FHIP1A: variants seen among roughly 807,000 people sequenced by gnomAD.
FHIP1A encodes FHF complex subunit HOOK-interacting protein 1A.
FHIP1A carries 61 observed loss-of-function variants against 88.6 expected under a neutral mutation model. That is an observed-to-expected ratio of 0.69 (90% confidence interval 0.56 to 0.85). The LOEUF (loss-of-function observed/expected upper bound fraction) is 0.85, where lower values mean the gene tolerates loss of function less well. Among genes scored for constraint, FHIP1A ranks in the 40% least tolerant of loss-of-function variants. FHIP1A has a pLI of 0.00. For missense variants in FHIP1A, 1,154 were observed against 1,273.5 expected, an observed-to-expected ratio of 0.91 and a Z score of 1.43; for synonymous variants, 478 against 496.0, an observed-to-expected ratio of 0.96 and a Z score of 0.48.
chr4:151,529,823 G>C (rs1731806663), intron 3 of FHIP1A, among the ~76,000 whole-genome samples: 1 of 152,192 alleles, frequency 6.6e-6, no homozygotes, highest in African/African-American at 2.4e-5. Flanking sequence ...GACTTAGTAA[G>C]TAGCAAAACT....
intron 1 of FHIP1A, among the ~76,000 whole-genome samples, chr4:151,425,366 A>C (rs1733323755): frequency 6.6e-6 from 1 of 152,174 alleles, no homozygotes; most frequent in Non-Finnish European, 1.5e-5. Context: ...ACTATTATTA[A>C]CAGACTTAAG....
rs190624983 is a variant in FHIP1A at position 151,669,207 on chromosome 4, A to G, written c.*6453A>G. On this transcript the variant is annotated 3_prime_UTR_variant, in exon 14 of 14. Coordinates refer to ENST00000435205, the MANE Select transcript of FHIP1A (RefSeq NM_001109977.3). ...TGGGTTTTTCCTAGCAGCAGTGATGATATCAACTTACAAGGTTTGGCTTTC... is the reference window on the plus strand; with the variant it reads ...TGGGTTTTTCCTAGCAGCAGTGATGGTATCAACTTACAAGGTTTGGCTTTC... Among the ~76,000 whole-genome samples the G allele has an allele frequency of 6.7e-3, 1,026 of 152,302 alleles. 5 individuals carry two copies. Among genetic ancestry groups the G allele is most frequent in the Non-Finnish European group, 0.011 (721 of 68,028 alleles).
chr4:151,466,377 A>C (rs1729315231), intron 2 of FHIP1A, among the ~76,000 whole-genome samples: 1 of 152,220 alleles, frequency 6.6e-6, no homozygotes, highest in African/African-American at 2.4e-5. Context: ...GGATAGGAAG[A>C]ATCAATATCA....
At chr4:151,580,375 A>G (rs890814378) in intron 5 of FHIP1A, among the ~76,000 whole-genome samples, 1 of 152,218 alleles carries the variant, frequency 6.6e-6, no homozygotes, top group African/African-American at 2.4e-5. Flanking sequence ...AAGCGATGCT[A>G]TGTACTTATT....
At chr4:151,542,058 G>A (rs1330150996) in intron 3 of FHIP1A, among the ~76,000 whole-genome samples, 1 of 152,082 alleles carries the variant, frequency 6.6e-6, no homozygotes, top group Non-Finnish European at 1.5e-5. Flanking sequence ...CTGTTAAGAG[G>A]AACCTCTCTC....
At chr4:151,418,452 T>G (rs1020892087) in intron 1 of FHIP1A, among the ~76,000 whole-genome samples, 4 of 152,166 alleles carry the variant, frequency 2.6e-5, no homozygotes, top group East Asian at 1.9e-4. Context: ...GTGTTTTTTT[T>G]GTCCTTAAAG....
intron 3 of FHIP1A, among the ~76,000 whole-genome samples, chr4:151,514,067 A>G (rs1731135275): frequency 1.3e-5 from 2 of 152,132 alleles, no homozygotes; most frequent in Non-Finnish European, 2.9e-5. Context: ...AGCTCTCCTC[A>G]GCAAATGTAA....
rs1313639304 is a variant in FHIP1A, at chr4:151,483,019, AC to A, written c.-123+373del. Reference sequence around the variant, plus strand: ...CAAGAAGGAGCAATAACATAAGGAAACCAATTTTTCTTTTTGTAATTTGAAG... The same window carrying A: ...CAAGAAGGAGCAATAACATAAGGAAACAATTTTTCTTTTTGTAATTTGAAG... On this transcript the variant is annotated intron_variant, in intron 3 of 13. Transcript: ENST00000435205. Among the ~76,000 whole-genome samples the A allele has an allele frequency of 2.0e-5, 3 of 152,046 alleles. No individual in the cohort carries two copies. In the East Asian group the frequency reaches 5.8e-4, roughly 29 times the overall value.
rs377034800 is a variant in FHIP1A, at chr4:151,662,628, G to A, written c.2997G>A (p.Pro999=). The A allele has an allele frequency of 3.3e-4, 506 of 1,551,626 alleles. 2 individuals carry two copies. In the African/African-American group the frequency reaches 6.1e-3, roughly 19 times the overall value. ...AGGCACCCCCCAACCTGCCCCTGCC[G>A]GTGAGGAACCCCATGCTGGCTGCTG... The part of the protein sequence containing the change: ...VAEAPPNLPL[P]VRNPMLAAAL... Residue 999 remains proline, a synonymous_variant, in exon 14 of 14, where the codon CCG becomes CCA. Transcript: ENST00000435205.
intron 8 of FHIP1A, among the ~76,000 whole-genome samples, chr4:151,631,466 T>G (rs760500180): frequency 6.6e-6 from 1 of 152,086 alleles, no homozygotes; most frequent in Non-Finnish European, 1.5e-5. Context: ...TTAAAAGAAC[T>G]ACTCACAAAG....
chr4:151,514,043 A>T (rs1731134454), intron 3 of FHIP1A, among the ~76,000 whole-genome samples: 1 of 151,916 alleles, frequency 6.6e-6, no homozygotes, highest in Non-Finnish European at 1.5e-5. Flanking sequence ...AATTGACCAC[A>T]TAGTTGGAAG....
rs577367251 is a variant in FHIP1A at position 151,516,323 on chromosome 4, C to T, written c.-123+33675C>T. Among the ~76,000 whole-genome samples, 853 of 151,526 alleles carry T rather than the reference C, an allele frequency of 5.6e-3. 10 individuals carry two copies. The highest frequency in any genetic ancestry group is 0.019 in the African/African-American group (774 of 41,302). On this transcript the variant is annotated intron_variant, in intron 3 of 13. Transcript: ENST00000435205. Reference sequence around the variant, plus strand: ...ATTCAAGATGGATTAAAGACTTAAACGTTAGACCTAAAACCATAAAAACCC... The same window carrying T: ...ATTCAAGATGGATTAAAGACTTAAATGTTAGACCTAAAACCATAAAAACCC...
chr4:151,611,102 T>C (rs1343614676), intron 7 of FHIP1A, among the ~76,000 whole-genome samples: 1 of 152,156 alleles, frequency 6.6e-6, no homozygotes, highest in Non-Finnish European at 1.5e-5. Context: ...TGTGTGTGTA[T>C]GTAGCTATGA....
intron 1 of FHIP1A, among the ~76,000 whole-genome samples, chr4:151,433,215 G>A (rs963496850): frequency 1.3e-5 from 2 of 151,784 alleles, no homozygotes; most frequent in Non-Finnish European, 2.9e-5. Flanking sequence ...TATAAGATAA[G>A]TTGGAATGGG....
intron 4 of FHIP1A, among the ~76,000 whole-genome samples, chr4:151,570,887 A>C (rs1379570802): frequency 6.6e-6 from 1 of 152,228 alleles, no homozygotes; most frequent in African/African-American, 2.4e-5. Flanking sequence ...ACTTGGCATT[A>C]AATGATCTGG....
At chr4:151,535,570 T>C (rs1466016869) in intron 3 of FHIP1A, among the ~76,000 whole-genome samples, 1 of 152,220 alleles carries the variant, frequency 6.6e-6, no homozygotes, top group Non-Finnish European at 1.5e-5. Context: ...TGTATGTCCA[T>C]ACTTATATGT....
intron 2 of FHIP1A, among the ~76,000 whole-genome samples, chr4:151,465,766 C>A (rs909189073): frequency 1.3e-5 from 2 of 152,148 alleles, no homozygotes; most frequent in African/African-American, 4.8e-5. Context: ...GAACCAACAA[C>A]GAAAACCACA....
At chr4:151,571,962 C>T (rs1199199420) in intron 4 of FHIP1A, among the ~76,000 whole-genome samples, 2 of 152,130 alleles carry the variant, frequency 1.3e-5, no homozygotes, top group Non-Finnish European at 2.9e-5. Context: ...AATCCCAGCA[C>T]TTTGGGAAGC....
intron 13 of FHIP1A, among the ~76,000 whole-genome samples, chr4:151,659,988 A>G (rs1257873257): frequency 1.3e-5 from 2 of 152,264 alleles, no homozygotes; most frequent in African/African-American, 4.8e-5. Flanking sequence ...CACTGTATTT[A>G]CTTATATTCA....
Sources: allele counts gnomAD v4.1 joint callset (sites outside exome capture counted in the v4.1 genomes callset), GRCh38; gene constraint gnomAD v4.1.1; transcripts MANE v1.5; gene names NCBI Gene and HGNC (gene_info 2026-07-23, HGNC 2026-07-21).